Variants in CECR2 observed in about 807,000 individuals in gnomAD.
The protein encoded by CECR2 is chromatin remodeling regulator CECR2.
CECR2 carries 30 observed loss-of-function variants against 154.5 expected under a neutral mutation model. The ratio of observed to expected loss-of-function variants is 0.19; its 90% confidence interval spans 0.15 to 0.26. The LOEUF is 0.26. Among genes scored for constraint, CECR2 ranks in the 10% least tolerant of loss-of-function variants. The probability of loss-of-function intolerance (pLI) is 1.00; values close to 1 mark genes in which losing one functional copy is unlikely to be tolerated. For synonymous variants in CECR2, 725 were observed against 683.7 expected (o/e 1.06, Z -0.94); for missense variants, 1,743 against 1,829.3 (o/e 0.95, Z 0.86).
Position 17,524,125 on chromosome 22 carries a change from C to T in CECR2, c.962C>T (p.Pro321Leu). ...CTCATTGGCTCCTCACAGGAGACTC[C>T]TGTGCTGACCAGAATAGAAAAACAA... is the stretch of plus-strand genomic sequence containing the variant. ...SIKPVKQEET[P>L]VLTRIEKQKR... The change falls in exon 9 of 19, where the codon CCT becomes CTT. Residue 321 changes from proline (P) to leucine (L), a missense_variant. This residue lies in a region of CECR2 where 292 missense variants were observed against 301.2 expected (regional missense o/e 0.97). Coordinates refer to ENST00000262608, the MANE Select transcript of CECR2 (RefSeq NM_001290047.2). 2 of 1,586,452 alleles carry T rather than the reference C, an allele frequency of 1.3e-6. No homozygotes were observed. The highest frequency in any genetic ancestry group is 2.3e-5 in the South Asian group (2 of 86,806).
chr22:17,488,468 G>T (rs1006201069), intron 2 of CECR2, among the ~76,000 whole-genome samples: 1 of 152,060 alleles, frequency 6.6e-6, no homozygotes, highest in Non-Finnish European at 1.5e-5. Context: ...TACCTACATT[G>T]TACACCTGGC....
In CECR2 at chr22:17,555,667, C is replaced by T. The variant is rs984483471; in HGVS notation, c.*2827C>T. Reference sequence around the variant, plus strand: ...GATGCAAATGCATTTGCCATCTTCTCCATTAGGAAAATGATGGTTATGTGA... The same window carrying T: ...GATGCAAATGCATTTGCCATCTTCTTCATTAGGAAAATGATGGTTATGTGA... On this transcript the variant is annotated 3_prime_UTR_variant, in exon 19 of 19. Transcript: ENST00000262608. 6.6e-6 allele frequency: 1 copy of T among 152,186 alleles called. No homozygotes were observed. Among genetic ancestry groups the T allele is most frequent in the South Asian group, 2.1e-4 (1 of 4,826 alleles). 9.4% of individuals were successfully genotyped at this position (152,186 alleles called of 1,614,324 possible). A position where few individuals can be genotyped will look rare whatever the true frequency, so the allele number is the denominator to read the frequency against.
At chr22:17,433,092 T>C (rs2054451580) in intron 1 of CECR2, among the ~76,000 whole-genome samples, 1 of 152,214 alleles carries the variant, frequency 6.6e-6, no homozygotes, top group Admixed American at 6.5e-5. Flanking sequence ...TTGGGTGGAA[T>C]CCTTTATCGC....
chr22:17,526,073 C>T (rs2056259076), intron 9 of CECR2, among the ~76,000 whole-genome samples: 1 of 152,066 alleles, frequency 6.6e-6, no homozygotes, highest in Admixed American at 6.6e-5. Flanking sequence ...TTAAAATGTC[C>T]ATAGTACTCA....
intron 9 of CECR2, among the ~76,000 whole-genome samples, chr22:17,525,889 C>A (rs1250686311): frequency 6.6e-6 from 1 of 151,944 alleles, no homozygotes; most frequent in Non-Finnish European, 1.5e-5. Context: ...ATTAATAATG[C>A]CTGTATTGTA....
At chr22:17,476,974 TCA>T (rs942207086) in intron 1 of CECR2, 8 of 559,372 alleles carry the variant, frequency 1.4e-5, no homozygotes, top group Non-Finnish European at 2.3e-5. Context: ...GCAAAGACAT[TCA>T]CAGAGACGTT....
At chr22:17,367,739 C>T (rs1334889338), upstream of CECR2, among the ~76,000 whole-genome samples, 1 of 152,184 alleles carries the variant, frequency 6.6e-6, no homozygotes, top group Non-Finnish European at 1.5e-5. Context: ...AAATAAAAGA[C>T]GGAGAAGCAA....
intron 1 of CECR2, among the ~76,000 whole-genome samples, chr22:17,440,768 C>T (rs9617583): frequency 0.011 from 1,730 of 152,228 alleles, 36 homozygotes; most frequent in African/African-American, 0.039. Context: ...TGATCCCTAC[C>T]CCTCCACTCC....
chr22:17,402,754 CT>C (rs386394918), intron 1 of CECR2, among the ~76,000 whole-genome samples: 4,380 of 122,972 alleles, frequency 0.036, 179 homozygotes, highest in African/African-American at 0.1. Context: ...TTCTTTTCTT[CT>C]TTTTTTTTTT....
chr22:17,421,838 C>A (rs1192846177), intron 1 of CECR2, among the ~76,000 whole-genome samples: 2 of 148,662 alleles, frequency 1.3e-5, no homozygotes, highest in African/African-American at 5.0e-5. Context: ...TCTGATAAAA[C>A]CGCATCTCTA....
At chr22:17,433,416 A>G (rs991189685) in intron 1 of CECR2, among the ~76,000 whole-genome samples, 3 of 152,118 alleles carry the variant, frequency 2.0e-5, no homozygotes, top group Non-Finnish European at 4.4e-5. Context: ...TTAGAGTTAC[A>G]TTCTCCCCTG....
chr22:17,529,438 C>G (rs1215544050), intron 9 of CECR2, among the ~76,000 whole-genome samples: 1 of 152,176 alleles, frequency 6.6e-6, no homozygotes, highest in Non-Finnish European at 1.5e-5. Flanking sequence ...CCGTGGCTCA[C>G]GGTTGTAATC....
chr22:17,502,065 A>C (rs1404599439), intron 5 of CECR2, among the ~76,000 whole-genome samples: 1 of 152,246 alleles, frequency 6.6e-6, no homozygotes, highest in African/African-American at 2.4e-5. Context: ...AAACAAGCGA[A>C]AAGTCCACAG....
Position 17,478,658 on chromosome 22 carries a change from T to TATCA in CECR2, c.221+977_221+980dup, listed in dbSNP as rs557153958. On this transcript the variant is annotated intron_variant, in intron 2 of 18. Transcript: ENST00000262608. Reference sequence around the variant, plus strand: ...GCGTGAGCCACCGCGCCTGGCCAAGTATCAGATATTTTTGTTCTAACGAAT... The same window carrying TATCA: ...GCGTGAGCCACCGCGCCTGGCCAAGTATCAATCAGATATTTTTGTTCTAACGAAT... Among the ~76,000 whole-genome samples the TATCA allele has an allele frequency of 1.2e-3, 179 of 152,252 alleles. 1 individual carries two copies. Among genetic ancestry groups the TATCA allele is most frequent in the African/African-American group, 3.9e-3 (163 of 41,558 alleles).
chr22:17,546,256 G>A (rs1444414303), intron 16 of CECR2, among the ~76,000 whole-genome samples: 7 of 152,156 alleles, frequency 4.6e-5, no homozygotes, highest in Middle Eastern at 3.4e-3. Flanking sequence ...GGGAGGCCGA[G>A]GCGGGTGGAT....
chr22:17,545,374 C>CAAAAAAA (rs695493), intron 16 of CECR2, among the ~76,000 whole-genome samples: 65 of 46,260 alleles, frequency 1.4e-3, no homozygotes, highest in African/African-American at 1.8e-3. Flanking sequence ...GACTCCGTCT[C>CAAAAAAA]AAAAAAAAAA....
intron 3 of CECR2, 118 bp from the exon 4 acceptor site, chr22:17,499,292 C>T (rs1483044033): frequency 5.5e-6 from 7 of 1,284,176 alleles, no homozygotes; most frequent in Non-Finnish European, 7.5e-6. Flanking sequence ...CCCAGCGATA[C>T]TTGGGCATTT....
In CECR2 at chr22:17,552,022, T is replaced by C. The variant is rs1398920900; in HGVS notation, c.4278-9T>C. ...TTAATTCTTCATTGCTTCTTTCTCGTGGCTGTAGAATGCAGATGCACCCGG... is the reference window on the plus strand; with the variant it reads ...TTAATTCTTCATTGCTTCTTTCTCGCGGCTGTAGAATGCAGATGCACCCGG... On this transcript the variant is annotated splice_polypyrimidine_tract_variant and intron_variant, in intron 17 of 18. Transcript: ENST00000262608. 1 of 1,613,066 alleles carries C rather than the reference T, an allele frequency of 6.2e-7. No homozygotes were observed.
intron 1 of CECR2, among the ~76,000 whole-genome samples, chr22:17,395,542 A>G: frequency 6.6e-6 from 1 of 151,952 alleles, no homozygotes; most frequent in East Asian, 1.9e-4. Flanking sequence ...ACAAGGTTTC[A>G]CCATCTTGGC....
Sources: gnomAD v4.1 joint callset for allele counts (sites outside exome capture counted in the v4.1 genomes callset) on GRCh38, gnomAD v4.1.1 for gene constraint, gnomAD v4.1.1 regional missense constraint, MANE v1.5 for transcripts, NCBI Gene and HGNC (gene_info 2026-07-23, HGNC 2026-07-21) for gene names.